The following ULK2 variants were observed in gnomAD, a reference collection of about 807,000 sequenced individuals.
ULK2 encodes serine/threonine-protein kinase ULK2.
Under a neutral mutation model 127.5 loss-of-function variants are expected in ULK2, and 76 were observed. The observed-to-expected ratio is 0.60, with a 90% CI of 0.50 to 0.72. ULK2 has a LOEUF of 0.72. Among genes scored for constraint, ULK2 ranks in the 30% least tolerant of loss-of-function variants. The pLI, the probability that ULK2 is intolerant of heterozygous loss-of-function variation, is 0.00. For synonymous variants in ULK2, 452 were observed against 461.9 expected, an observed-to-expected ratio of 0.98 and a Z score of 0.28; for missense variants, 1,144 against 1,295.9, an observed-to-expected ratio of 0.88 and a Z score of 1.80.
intron 20 of ULK2, among the ~76,000 whole-genome samples, chr17:19,788,397 C>T (rs770269644): frequency 1.7e-4 from 26 of 151,894 alleles, no homozygotes; most frequent in South Asian, 6.2e-4. Context: ...GGACGAGCCC[C>T]GGGCAGAGTC....
intron 20 of ULK2, among the ~76,000 whole-genome samples, chr17:19,795,345 G>GTT (rs2087244407): frequency 1.0e-4 from 1 of 9,930 alleles, no homozygotes; most frequent in Admixed American, 1.2e-3. Context: ...TTACCCTACT[G>GTT]ATAAAAAAAA....
intron 7 of ULK2, among the ~76,000 whole-genome samples, chr17:19,845,064 C>T (rs2041847764): frequency 6.6e-6 from 1 of 152,112 alleles, no homozygotes; most frequent in Admixed American, 6.5e-5. Flanking sequence ...AGATTTGTCT[C>T]ATAACTAATC....
chr17:19,797,466 C>A lies in ULK2; in HGVS notation c.1739G>T (p.Gly580Val). 1.1e-5 allele frequency: 17 copies of A among 1,613,780 alleles called. No homozygotes were observed. The highest frequency in any genetic ancestry group is 1.4e-5 in the Non-Finnish European group (16 of 1,179,926). Reference protein sequence around the residue: ...SLGTSPTKHLGSSPRSSDWFF... With the variant: ...SLGTSPTKHLVSSPRSSDWFF... ...CCAGTCAGAACTCCGTGGAGAGGAC[C>A]CCAAGTGCTTGGTGGGAGAAGTTCC... Residue 580 changes from glycine (G) to valine (V), a missense_variant, in exon 18 of 27, where the codon GGG becomes GTG. Gly to Val is a moderately radical substitution (Grantham distance 109, BLOSUM62 -3). Transcript: ENST00000395544.
chr17:19,825,335 T>G (rs1179625844), intron 11 of ULK2, among the ~76,000 whole-genome samples, 153 bp from the exon 12 acceptor site: 1 of 152,176 alleles, frequency 6.6e-6, no homozygotes, highest in African/African-American at 2.4e-5. Flanking sequence ...AAACTAAAAA[T>G]GCAGCAATTA....
chr17:19,797,842 G>A (rs982010390), intron 17 of ULK2, among the ~76,000 whole-genome samples, 160 bp from the exon 18 acceptor site: 7 of 152,090 alleles, frequency 4.6e-5, no homozygotes, highest in African/African-American at 1.7e-4. Flanking sequence ...CTATTTTTCT[G>A]TCATCCTTTG....
Position 19,867,512 on chromosome 17 carries a change from TG to T in ULK2, c.-96del, listed in dbSNP as rs2042381181. On this transcript the variant is annotated 5_prime_UTR_variant, in exon 1 of 27. It removes the in-frame stop codon of an upstream open reading frame in the 5' UTR. Coordinates refer to ENST00000395544, the MANE Select transcript of ULK2 (RefSeq NM_014683.4). ...TCCGCGGGCCCGGAGCGCGCCAGCG[TG>T]CGGCGGGTCTGGGGCAGCCGCAGCC... 1.1e-6 allele frequency: 1 copy of T among 942,030 alleles called. No homozygotes were observed. Among genetic ancestry groups the T allele is most frequent in the Non-Finnish European group, 1.4e-6 (1 of 701,704 alleles). 58.4% of individuals were successfully genotyped at this position (942,030 alleles called of 1,614,324 possible).
intron 8 of ULK2, 45 bp downstream of exon 8, chr17:19,843,076 T>C (rs1392489185): frequency 1.4e-6 from 2 of 1,439,300 alleles, no homozygotes; most frequent in East Asian, 2.3e-5. Flanking sequence ...AACTATAAAA[T>C]GACAAGATCC....
chr17:19,830,530 T>A (rs2041411392), intron 10 of ULK2, among the ~76,000 whole-genome samples: 1 of 150,778 alleles, frequency 6.6e-6, no homozygotes, highest in Non-Finnish European at 1.5e-5. Flanking sequence ...GTAATCACGG[T>A]GACTGATTAT....
At chr17:19,855,457 G>A (rs1284253034) in intron 3 of ULK2, among the ~76,000 whole-genome samples, 7 of 149,560 alleles carry the variant, frequency 4.7e-5, no homozygotes, top group African/African-American at 1.2e-4. Flanking sequence ...ATAATTAGCC[G>A]GGTGTGGTAG....
intron 3 of ULK2, among the ~76,000 whole-genome samples, chr17:19,852,044 CAAAAAAA>C (rs201031615): frequency 3.7e-4 from 18 of 49,162 alleles, no homozygotes; most frequent in African/African-American, 5.0e-4. Context: ...GACTCCATCT[CAAAAAAA>C]AAAAAAAAAA....
At chr17:19,782,142 T>C (rs1428802133) in intron 22 of ULK2, 75 bp from the exon 23 acceptor site, 4 of 1,397,732 alleles carry the variant, frequency 2.9e-6, no homozygotes, top group East Asian at 2.4e-5. Context: ...ACATAAACCA[T>C]GGCCGCTGAT....
At chr17:19,780,393 G>A (rs1274394473) in intron 25 of ULK2, 79 bp downstream of exon 25, 3 of 1,268,076 alleles carry the variant, frequency 2.4e-6, no homozygotes, top group Non-Finnish European at 3.2e-6. Context: ...TAAAAGGATA[G>A]CTGTCATATA....
At chr17:19,781,210 C>T (rs2086911928) in intron 23 of ULK2, 106 bp from the exon 24 acceptor site, 1 of 726,670 alleles carries the variant, frequency 1.4e-6, no homozygotes, top group Non-Finnish European at 2.2e-6. Flanking sequence ...AAAGGAATAG[C>T]ATCCTCTTTG....
chr17:19,811,194 T>C (rs1399770085), intron 13 of ULK2: 1 of 152,186 alleles, frequency 6.6e-6, no homozygotes, highest in East Asian at 1.9e-4. Context: ...TCCATTTTTA[T>C]TTAAAGACAA....
intron 12 of ULK2, among the ~76,000 whole-genome samples, chr17:19,822,953 T>C (rs2041194812): frequency 6.6e-6 from 1 of 151,498 alleles, no homozygotes; most frequent in Admixed American, 6.6e-5. Flanking sequence ...CCCAAAGTGC[T>C]AGGATTACAG....
chr17:19,846,093 T>C (rs2041875010), intron 6 of ULK2, among the ~76,000 whole-genome samples: 1 of 152,062 alleles, frequency 6.6e-6, no homozygotes, highest in Non-Finnish European at 1.5e-5. Flanking sequence ...GCCACAGCAC[T>C]CCAGCCTGGG....
chr17:19,841,628 T>A, intron 8 of ULK2, 81 bp from the exon 9 acceptor site: 1 of 1,109,684 alleles, frequency 9.0e-7, no homozygotes, highest in Non-Finnish European at 1.3e-6. Flanking sequence ...CATATGCTTT[T>A]TTTTTAAGGG....
intron 1 of ULK2, 144 bp from the exon 2 acceptor site, chr17:19,865,972 T>C (rs893640306): frequency 6.9e-6 from 4 of 581,050 alleles, no homozygotes; most frequent in Admixed American, 7.5e-5. Flanking sequence ...GAAAGTGATT[T>C]CATAAATTAT....
chr17:19,804,769 T>C lies in ULK2; in HGVS notation c.1219A>G (p.Ile407Val). ...TGCTCTATGCGCTGATAATTCCTTA[T>C]TTGAGTAGGAACTGGAATTGGTGCT... is the stretch of plus-strand genomic sequence containing the variant. ...ETAPIPVPTQ[I>V]RNYQRIEQNL... is the part of the protein sequence containing the mutation. The change falls in exon 15 of 27, where the codon ATA (isoleucine) becomes GTA (valine). Residue 407 changes from isoleucine (I) to valine (V), a missense_variant. Ile to Val is a conservative substitution (Grantham distance 29). Coordinates refer to ENST00000395544, the MANE Select transcript of ULK2 (RefSeq NM_014683.4). 1 of 1,613,092 alleles carries C rather than the reference T, an allele frequency of 6.2e-7. No homozygotes were observed.
Sources: allele counts gnomAD v4.1 joint callset (sites outside exome capture counted in the v4.1 genomes callset), GRCh38; gene constraint gnomAD v4.1.1; transcripts MANE v1.5; gene names NCBI Gene and HGNC (gene_info 2026-07-23, HGNC 2026-07-21).